DDOST: variants seen among roughly 807,000 people sequenced by gnomAD.
DDOST encodes dolichyl-diphosphooligosaccharide--protein glycosyltransferase non-catalytic subunit.
DDOST carries 25 observed loss-of-function variants against 47.6 expected under a neutral mutation model. That is an observed-to-expected ratio of 0.53 (90% CI 0.38 to 0.73). DDOST has a LOEUF of 0.73. DDOST is among the 30% of genes least tolerant of loss of function. The pLI, the probability that DDOST is intolerant of heterozygous loss-of-function variation, is 0.00. For synonymous variants in DDOST, 275 were observed against 236.0 expected (o/e 1.17, Z -1.51); for missense variants, 526 against 573.9 (o/e 0.92, Z 0.85).
In DDOST at chr1:20,655,702, T is replaced by C; in HGVS notation, c.430A>G (p.Asn144Asp). Residue 144 changes from asparagine (N) to aspartate (D), a missense_variant, in exon 4 of 11, where the codon AAC becomes GAC. Physicochemically the swap from Asn to Asp is conservative, Grantham distance 23 (BLOSUM62 1). Coordinates refer to ENST00000602624, the MANE Select transcript of DDOST (RefSeq NM_005216.5). ...EEKTAVIDHH[N>D]YDISDLGQHT... Reference sequence around the variant, plus strand: ...TGGCCAAGGTCTGAGATGTCATAGTTGTGATGGTCAATGACAGCCGTTTTC... The same window carrying C: ...TGGCCAAGGTCTGAGATGTCATAGTCGTGATGGTCAATGACAGCCGTTTTC... The C allele has an allele frequency of 6.2e-7, 1 of 1,614,014 alleles. No homozygotes were observed.
chr1:20,657,564 G>A (rs1361885318), intron 2 of DDOST, among the ~76,000 whole-genome samples: 1 of 152,162 alleles, frequency 6.6e-6, no homozygotes, highest in Non-Finnish European at 1.5e-5. Flanking sequence ...CATTAGAAAA[G>A]CTCCAAGGAG....
rs76076735 is a variant in DDOST, at chr1:20,659,938, A to G, written c.265+943T>C. 9.0e-3 allele frequency among the ~76,000 whole-genome samples: 1,377 copies of G among 152,296 alleles called. 30 individuals are homozygous for G. The highest frequency in any genetic ancestry group is 0.032 in the African/African-American group (1,315 of 41,552). Reference sequence around the variant, plus strand: ...AAACAAACAAACAAAAAAGGCACCAATGAAGAACTTCCTAAGCTTCATTAA... The same window carrying G: ...AAACAAACAAACAAAAAAGGCACCAGTGAAGAACTTCCTAAGCTTCATTAA... On this transcript the variant is annotated intron_variant, in intron 2 of 10. Transcript: ENST00000602624.
At position 20,651,801 on chromosome 1, in the gene DDOST, T is replaced by TTTA. The variant is rs2053287190; in HGVS notation, c.*577_*578insTAA. Reference sequence around the variant, plus strand: ...GTTTGAGGGCAACATCTCGCTTTATTTTTATTTATTTATTTATTTATTTAT... The same window carrying TTTA: ...GTTTGAGGGCAACATCTCGCTTTATTTTATTTATTTATTTATTTATTTATTTAT... On this transcript the variant is annotated 3_prime_UTR_variant, in exon 11 of 11. Transcript: ENST00000602624. 6.8e-6 allele frequency: 1 copy of TTTA among 147,120 alleles called. No homozygotes were observed. The highest frequency in any genetic ancestry group is 1.5e-5 in the Non-Finnish European group (1 of 67,138). 9.1% of individuals were successfully genotyped at this position (147,120 alleles called of 1,614,324 possible).
In DDOST at chr1:20,652,180, T is replaced by G. The variant is rs898568954; in HGVS notation, c.*199A>C. On this transcript the variant is annotated 3_prime_UTR_variant, in exon 11 of 11. Coordinates refer to ENST00000602624, the MANE Select transcript of DDOST (RefSeq NM_005216.5). ...CTGCACATAGGAAAAATGCCACTTT[T>G]AGCAATTCAAAGTGGAAAAACTTCT... is the stretch of plus-strand genomic sequence containing the variant. 3.9e-6 allele frequency: 2 copies of G among 516,994 alleles called. No individual in the cohort carries two copies. The highest frequency in any genetic ancestry group is 3.3e-6 in the Non-Finnish European group (1 of 305,564). The allele number at this position is 516,994 out of a possible 1,614,324, so 32.0% of individuals were successfully genotyped here.
intron 8 of DDOST, 63 bp downstream of exon 8, chr1:20,653,564 T>A: frequency 6.7e-7 from 1 of 1,498,174 alleles, no homozygotes. Flanking sequence ...AATAAGTGCT[T>A]CTGAGCTGAG....
rs768942021 is a variant in DDOST at position 20,655,750 on chromosome 1, A to C, written c.382T>G (p.Cys128Gly). ...GDPLRELGSE[C>G]GIEFDEEKTA... ...TTCTCCTCGTCAAACTCAATCCCGC[A>C]CTCACTGCCCAGCTCTCGAAGAGGG... The change falls in exon 4 of 11, where the codon TGC becomes GGC. Residue 128 changes from cysteine to glycine, a missense_variant. Transcript: ENST00000602624. 4.3e-6 allele frequency: 7 copies of C among 1,613,890 alleles called. No homozygotes were observed. The Admixed American group carries it at 1.2e-4, about 27-fold the overall frequency.
intron 6 of DDOST, 68 bp from the exon 7 acceptor site, chr1:20,654,439 C>CAAG: frequency 6.6e-7 from 1 of 1,512,672 alleles, no homozygotes; most frequent in Non-Finnish European, 9.0e-7. Context: ...GCCTCCCGAA[C>CAAG]AAGAGGACAG....
chr1:20,660,481 T>C (rs759210472), intron 2 of DDOST: 26 of 157,966 alleles, frequency 1.6e-4, no homozygotes, highest in Non-Finnish European at 3.4e-4. Context: ...TCTATCTGAA[T>C]TCTTAAGATC....
At chr1:20,654,195 C>G (rs768610807) in intron 7 of DDOST, 28 bp downstream of exon 7, 42 of 1,549,652 alleles carry the variant, frequency 2.7e-5, no homozygotes, top group Middle Eastern at 2.2e-4. Context: ...CACCCGGATC[C>G]CCGGCCCCTA....
chr1:20,657,990 C>CA (rs2053393486), intron 2 of DDOST, among the ~76,000 whole-genome samples: 2 of 41,412 alleles, frequency 4.8e-5, no homozygotes, highest in African/African-American at 1.3e-4. Context: ...TGGGCAGAGG[C>CA]CCGGGTGCTG....
Position 20,654,606 on chromosome 1 carries a change from G to C in DDOST, c.645+8C>G. 1.3e-6 allele frequency: 2 copies of C among 1,554,536 alleles called. No homozygotes were observed. The highest frequency in any genetic ancestry group is 1.7e-6 in the Non-Finnish European group (2 of 1,146,576). ...TATTTCGAAGCCTCAAGGTTGTGAA[G>C]CCCTTACCTGGGTGATAGGCTTGTC... On this transcript the variant is annotated splice_region_variant and intron_variant, in intron 6 of 10. Transcript: ENST00000602624.
chr1:20,654,410 G>A, intron 6 of DDOST, 39 bp from the exon 7 acceptor site: 1 of 1,544,146 alleles, frequency 6.5e-7, no homozygotes, highest in Non-Finnish European at 8.8e-7. Flanking sequence ...GCAGTTCCAA[G>A]TAAGGGAAAA....
chr1:20,651,801 T>TTTTTTTTATTTATTATTTATTTA lies in DDOST; in HGVS notation c.*577_*578insTAAATAAATAATAAATAAAAAAA, dbSNP rs886045853. 6.8e-6 allele frequency: 1 copy of TTTTTTTTATTTATTATTTATTTA among 147,210 alleles called. No homozygotes were observed. Among genetic ancestry groups the TTTTTTTTATTTATTATTTATTTA allele is most frequent in the Admixed American group, 6.8e-5 (1 of 14,756 alleles). The allele number at this position is 147,210 out of a possible 1,614,324, so 9.1% of individuals were successfully genotyped here. On this transcript the variant is annotated 3_prime_UTR_variant, in exon 11 of 11. Transcript: ENST00000602624. ...GTTTGAGGGCAACATCTCGCTTTAT[T>TTTTTTTTATTTATTATTTATTTA]TTTATTTATTTATTTATTTATTTAT... is the stretch of plus-strand genomic sequence containing the variant.
chr1:20,655,182 T>C (rs918431587), intron 5 of DDOST, among the ~76,000 whole-genome samples: 7 of 103,356 alleles, frequency 6.8e-5, no homozygotes, highest in Admixed American at 4.1e-4. Context: ...TTTTTTTTTT[T>C]TTTTTTTTTT....
At chr1:20,658,154 C>T (rs913212421) in intron 2 of DDOST, among the ~76,000 whole-genome samples, 2 of 152,226 alleles carry the variant, frequency 1.3e-5, no homozygotes, top group Non-Finnish European at 2.9e-5. Context: ...AATCCCTTCA[C>T]CCTTCTGAAC....
At chr1:20,654,125 C>A in intron 7 of DDOST, 98 bp downstream of exon 7, 1 of 1,400,456 alleles carries the variant, frequency 7.1e-7, no homozygotes, top group Non-Finnish European at 9.7e-7. Flanking sequence ...GCCTCTGACA[C>A]TTTTAGCTAA....
intron 1 of DDOST, 95 bp from the exon 2 acceptor site, chr1:20,661,086 G>T: frequency 6.8e-7 from 1 of 1,479,544 alleles, no homozygotes; most frequent in Non-Finnish European, 9.3e-7. Flanking sequence ...CGGCAGGCCA[G>T]ACCCGGGCGG....
intron 8 of DDOST, 130 bp downstream of exon 8, chr1:20,653,497 G>A (rs2053322793): frequency 4.2e-6 from 4 of 947,196 alleles, no homozygotes; most frequent in Middle Eastern, 4.5e-4. Flanking sequence ...ATGCTTAGGT[G>A]TAGGGATTAA....
chr1:20,652,549 C>T, intron 10 of DDOST, 21 bp from the exon 11 acceptor site: 1 of 1,613,872 alleles, frequency 6.2e-7, no homozygotes. Flanking sequence ...ACAGAGGTGG[C>T]AGGACCTGGC....
Sources: gnomAD v4.1 joint callset for allele counts (sites outside exome capture counted in the v4.1 genomes callset) on GRCh38, gnomAD v4.1.1 for gene constraint, MANE v1.5 for transcripts, NCBI Gene and HGNC (gene_info 2026-07-23, HGNC 2026-07-21) for gene names.